Variants in NEK11 observed in about 807,000 individuals in gnomAD.
NEK11 encodes the protein NIMA related kinase 11.
In NEK11, 72 loss-of-function variants were observed where a neutral mutation model predicts 80.7. The observed-to-expected ratio is 0.89, with a 90% CI of 0.74 to 1.08. The LOEUF is 1.08. NEK11 is among the 50% of genes least tolerant of loss of function. NEK11 has a pLI of 0.00. For synonymous variants in NEK11, 251 were observed against 260.7 expected, an observed-to-expected ratio of 0.96 and a Z score of 0.36; for missense variants, 764 against 763.6, an observed-to-expected ratio of 1.00 and a Z score of -0.01.
chr3:131,243,934 A>G (rs1233554578), intron 16 of NEK11, among the ~76,000 whole-genome samples: 1 of 152,072 alleles, frequency 6.6e-6, no homozygotes, highest in Non-Finnish European at 1.5e-5. Flanking sequence ...CTTGTTTAGC[A>G]TTGTCAGTCT....
intron 17 of NEK11, among the ~76,000 whole-genome samples, chr3:131,280,073 C>T (rs2096370766): frequency 6.6e-6 from 1 of 152,170 alleles, no homozygotes; most frequent in Admixed American, 6.5e-5. Flanking sequence ...AGATCCACCT[C>T]ACTAAAAAGC....
At chr3:131,166,808 G>A (rs907133684) in intron 12 of NEK11, among the ~76,000 whole-genome samples, 5 of 152,106 alleles carry the variant, frequency 3.3e-5, no homozygotes, top group African/African-American at 1.2e-4. Context: ...GTTGGAGAAA[G>A]GTCTTGATGC....
intron 3 of NEK11, among the ~76,000 whole-genome samples, chr3:131,073,782 C>G (rs2073861321): frequency 6.6e-6 from 1 of 152,132 alleles, no homozygotes; most frequent in South Asian, 2.1e-4. Flanking sequence ...CCTATATCCC[C>G]TGGGCACTTA....
At chr3:131,200,079 CA>C (rs1414892724) in intron 14 of NEK11, among the ~76,000 whole-genome samples, 1 of 151,980 alleles carries the variant, frequency 6.6e-6, no homozygotes, top group African/African-American at 2.4e-5. Flanking sequence ...TTCAGACAAC[CA>C]AAGATGTAGA....
At chr3:131,211,377 C>T (rs1263189026) in intron 14 of NEK11, among the ~76,000 whole-genome samples, 2 of 152,172 alleles carry the variant, frequency 1.3e-5, no homozygotes, top group African/African-American at 2.4e-5. Flanking sequence ...GTAACCCAAC[C>T]TTTCTCTCTG....
chr3:131,105,858 C>T (rs1342946327), intron 4 of NEK11, among the ~76,000 whole-genome samples: 2 of 152,158 alleles, frequency 1.3e-5, no homozygotes, highest in Non-Finnish European at 2.9e-5. Flanking sequence ...ATAGTTCTTT[C>T]TCATTTTGGA....
intron 17 of NEK11, among the ~76,000 whole-genome samples, chr3:131,290,214 A>G (rs1203243258): frequency 6.6e-6 from 1 of 152,158 alleles, no homozygotes; most frequent in Admixed American, 6.5e-5. Context: ...TCATAGACTT[A>G]CCCTTGATGC....
At chr3:131,041,794 A>G (rs1326501327) in intron 3 of NEK11, among the ~76,000 whole-genome samples, 1 of 152,206 alleles carries the variant, frequency 6.6e-6, no homozygotes, top group Non-Finnish European at 1.5e-5. Flanking sequence ...ATAAAAATTC[A>G]AAAGGCGATT....
chr3:131,114,830 A>T (rs2080765976), intron 5 of NEK11, among the ~76,000 whole-genome samples: 1 of 152,228 alleles, frequency 6.6e-6, no homozygotes, highest in African/African-American at 2.4e-5. Flanking sequence ...TCCTTATATG[A>T]TCTACAGTAT....
chr3:131,057,523 A>G (rs1489091539), intron 3 of NEK11, among the ~76,000 whole-genome samples: 1 of 151,402 alleles, frequency 6.6e-6, no homozygotes, highest in East Asian at 1.9e-4. Context: ...AAGTGTTCCT[A>G]TTTCTCCACA....
chr3:131,195,302 T>C (rs1438837757), intron 14 of NEK11, among the ~76,000 whole-genome samples: 1 of 152,100 alleles, frequency 6.6e-6, no homozygotes, highest in East Asian at 1.9e-4. Context: ...TCACTCCTGT[T>C]ATGGTGACCA....
In NEK11 at chr3:131,131,604, T is replaced by C. The variant is rs184002718; in HGVS notation, c.456-1141T>C. ...TGATTTTAATAGTTTTTGTCTTCTA[T>C]CTTTTTATTTTACTTAGGCTGGCTA... On this transcript the variant is annotated intron_variant, in intron 5 of 17. Coordinates refer to ENST00000383366, the MANE Select transcript of NEK11 (RefSeq NM_024800.5). Among the ~76,000 whole-genome samples, 9 of 152,298 alleles carry C rather than the reference T, an allele frequency of 5.9e-5. No homozygotes were observed. The East Asian group carries it at 1.7e-3, about 29-fold the overall frequency.
At position 131,119,220 on chromosome 3, in the gene NEK11, G is replaced by A. The variant is rs533864943; in HGVS notation, c.455+9299G>A. Among the ~76,000 whole-genome samples the A allele has an allele frequency of 9.2e-5, 14 of 152,252 alleles. No individual in the cohort carries two copies. The South Asian group carries it at 2.5e-3, about 27-fold the overall frequency. ...ATATCTTTATTTCTGCCTTCATTTTGTTATGTACGCAGTAGTCATTCAAGA... is the reference window on the plus strand; with the variant it reads ...ATATCTTTATTTCTGCCTTCATTTTATTATGTACGCAGTAGTCATTCAAGA... On this transcript the variant is annotated intron_variant, in intron 5 of 17. Coordinates refer to ENST00000383366, the MANE Select transcript of NEK11 (RefSeq NM_024800.5).
chr3:131,048,579 T>G (rs1447991873), intron 3 of NEK11, among the ~76,000 whole-genome samples: 1 of 152,120 alleles, frequency 6.6e-6, no homozygotes, highest in Non-Finnish European at 1.5e-5. Context: ...CCAGTGAGGG[T>G]GTGTGTTTGG....
chr3:131,139,975 G>A (rs1002273357), intron 7 of NEK11, among the ~76,000 whole-genome samples: 3 of 152,134 alleles, frequency 2.0e-5, no homozygotes, highest in African/African-American at 2.4e-5. Context: ...AGGAGCATAA[G>A]GTAAAATGTC....
At chr3:131,335,499 A>G (rs1301318543) in intron 17 of NEK11, among the ~76,000 whole-genome samples, 1 of 152,242 alleles carries the variant, frequency 6.6e-6, no homozygotes, top group Non-Finnish European at 1.5e-5. Context: ...TGACAAACTC[A>G]CAGCCAATAT....
At chr3:131,222,735 C>T (rs1286047251) in intron 14 of NEK11, among the ~76,000 whole-genome samples, 1 of 152,232 alleles carries the variant, frequency 6.6e-6, no homozygotes, top group Non-Finnish European at 1.5e-5. Context: ...CCAGCAGCAT[C>T]AGCATCAGCT....
intron 3 of NEK11, among the ~76,000 whole-genome samples, chr3:131,066,074 T>C (rs970314298): frequency 6.6e-6 from 1 of 152,222 alleles, no homozygotes; most frequent in Admixed American, 6.5e-5. Context: ...CTCTTTGACA[T>C]GTTAACATGG....
intron 2 of NEK11, 87 bp downstream of exon 2, chr3:131,028,089 A>T (rs1447879875): frequency 1.3e-5 from 2 of 152,188 alleles, no homozygotes; most frequent in African/African-American, 4.8e-5. Context: ...AACAAAAGGT[A>T]TATTTAGAGG....
Sources: allele counts gnomAD v4.1 joint callset (sites outside exome capture counted in the v4.1 genomes callset), GRCh38; gene constraint gnomAD v4.1.1; transcripts MANE v1.5; gene names NCBI Gene and HGNC (gene_info 2026-07-23, HGNC 2026-07-21).